The following PARP12 variants were observed in gnomAD, a reference collection of about 807,000 sequenced individuals.
PARP12 encodes the protein protein mono-ADP-ribosyltransferase PARP12.
PARP12 carries 59 observed loss-of-function variants against 72.4 expected under a neutral mutation model. The ratio of observed to expected loss-of-function variants is 0.81; its 90% CI spans 0.66 to 1.01. The LOEUF (loss-of-function observed/expected upper bound fraction) is 1.01, where lower values mean the gene tolerates loss of function less well. Among genes scored for constraint, PARP12 ranks in the 50% least tolerant of loss-of-function variants. PARP12 has a pLI of 0.00. For synonymous variants in PARP12, 403 were observed against 371.4 expected (o/e 1.09, Z -0.98); for missense variants, 851 against 914.0 (o/e 0.93, Z 0.89).
At chr7:140,033,970 C>A (rs1816043024) in intron 8 of PARP12, 8 of 1,071,536 alleles carry the variant, frequency 7.5e-6, no homozygotes, top group Non-Finnish European at 9.1e-6. Context: ...CAAGTCTAGA[C>A]TCGCCTTCAG....
In PARP12 at chr7:140,052,250, C is replaced by T. The variant is rs552742932; in HGVS notation, c.862+2412G>A. Among the ~76,000 whole-genome samples, 21 of 152,294 alleles carry T rather than the reference C, an allele frequency of 1.4e-4. 1 individual carries two copies. The highest frequency in any genetic ancestry group is 4.3e-4 in the African/African-American group (18 of 41,556). On this transcript the variant is annotated intron_variant, in intron 4 of 11. Coordinates refer to ENST00000263549, the MANE Select transcript of PARP12 (RefSeq NM_022750.4). ...CAAATTTAATTTTTAATTTTTCTGG[C>T]AGACTGTATAAACTGAACTAATCAA... is the stretch of plus-strand genomic sequence containing the variant.
chr7:140,034,178 G>A (rs1319820418), intron 8 of PARP12, 57 bp downstream of exon 8: 17 of 1,582,276 alleles, frequency 1.1e-5, no homozygotes, highest in South Asian at 9.1e-5. Flanking sequence ...TGTCACCACT[G>A]CAGAGCACAC....
chr7:140,033,053 GGT>G (rs1405086346), intron 8 of PARP12: 1 of 379,550 alleles, frequency 2.6e-6, no homozygotes, highest in East Asian at 1.6e-4. Flanking sequence ...CCTGGGCTCA[GGT>G]GTCTCTCCCA....
At chr7:140,035,971 C>CGAGGAGGAGGAGGAGGAG (rs1164850035) in intron 7 of PARP12, among the ~76,000 whole-genome samples, 6 of 20,226 alleles carry the variant, frequency 3.0e-4, no homozygotes, top group African/African-American at 4.2e-4. Flanking sequence ...AGGAGGAGGA[C>CGAGGAGGAGGAGGAGGAG]GAGGAGGAGG....
chr7:140,043,051 G>A (rs1352621771), intron 5 of PARP12, among the ~76,000 whole-genome samples: 4 of 151,988 alleles, frequency 2.6e-5, no homozygotes, highest in East Asian at 1.9e-4. Context: ...AAAACTAGCC[G>A]GGAGTGGTGG....
chr7:140,033,643 A>C, intron 8 of PARP12: 1 of 985,432 alleles, frequency 1.0e-6, no homozygotes, highest in Non-Finnish European at 1.2e-6. Context: ...GGGTCTGATC[A>C]GTACAAAGCA....
chr7:140,045,499 A>G (rs1294365582), intron 5 of PARP12, among the ~76,000 whole-genome samples: 2 of 152,248 alleles, frequency 1.3e-5, no homozygotes, highest in South Asian at 2.1e-4. Flanking sequence ...TAATTAGTAA[A>G]TAAGTTTGAA....
chr7:140,040,530 T>G (rs904170760), intron 6 of PARP12, among the ~76,000 whole-genome samples: 1 of 152,206 alleles, frequency 6.6e-6, no homozygotes, highest in Admixed American at 6.5e-5. Flanking sequence ...CAATGTCTAT[T>G]TCCTGAGGAC....
At position 140,047,018 on chromosome 7, in the gene PARP12, A is replaced by C; in HGVS notation, c.863-11T>G. The C allele has an allele frequency of 1.2e-6, 2 of 1,608,164 alleles. No homozygotes were observed. The highest frequency in any genetic ancestry group is 1.7e-6 in the Non-Finnish European group (2 of 1,177,096). ...CTCTATGGCACTTATCTGAAATAAA[A>C]ACATAAAGGAGTAAGATAGCTGGGC... On this transcript the variant is annotated splice_polypyrimidine_tract_variant and intron_variant, in intron 4 of 11. Coordinates refer to ENST00000263549, the MANE Select transcript of PARP12 (RefSeq NM_022750.4).
Position 140,024,432 on chromosome 7 carries a change from A to G in PARP12, c.*128T>C, listed in dbSNP as rs765973437. The G allele has an allele frequency of 1.9e-6, 2 of 1,045,424 alleles. No individual in the cohort carries two copies. The highest frequency in any genetic ancestry group is 2.0e-4 in the Middle Eastern group (1 of 5,044). The allele number at this position is 1,045,424 out of a possible 1,614,324, so 64.8% of individuals were successfully genotyped here. ...TCATTATTAGCAAGAGATTAAGAAC[A>G]TAACTTCATTGAGAGGTCAATGTTA... On this transcript the variant is annotated 3_prime_UTR_variant, in exon 12 of 12. Coordinates refer to ENST00000263549, the MANE Select transcript of PARP12 (RefSeq NM_022750.4).
intron 4 of PARP12, among the ~76,000 whole-genome samples, chr7:140,052,877 C>T: frequency 6.6e-6 from 1 of 152,158 alleles, no homozygotes; most frequent in African/African-American, 2.4e-5. Flanking sequence ...CATTAATCAT[C>T]AGGGAAATGC....
intron 10 of PARP12, 51 bp downstream of exon 10, chr7:140,027,225 T>C (rs772299343): frequency 2.5e-6 from 4 of 1,589,796 alleles, no homozygotes; most frequent in Non-Finnish European, 3.4e-6. Flanking sequence ...AACCAGCCAG[T>C]GGTGTGAAGG....
At chr7:140,031,218 A>G (rs1331651814) in intron 8 of PARP12, among the ~76,000 whole-genome samples, 2 of 151,876 alleles carry the variant, frequency 1.3e-5, no homozygotes, top group Non-Finnish European at 2.9e-5. Context: ...ACAACAAATA[A>G]AAAAATTAGC....
At chr7:140,037,586 G>A in intron 7 of PARP12, 129 bp downstream of exon 7, 1 of 1,311,780 alleles carries the variant, frequency 7.6e-7, no homozygotes, top group Non-Finnish European at 1.1e-6. Context: ...CCTTGGACCT[G>A]GTACCTTGCT....
At chr7:140,045,665 T>C (rs1260717798) in intron 5 of PARP12, among the ~76,000 whole-genome samples, 2 of 151,804 alleles carry the variant, frequency 1.3e-5, no homozygotes, top group Non-Finnish European at 2.9e-5. Context: ...ATTCAGTATA[T>C]AACGTCCAAA....
At chr7:140,062,450 C>T (rs1292669666) in intron 1 of PARP12, 72 bp downstream of exon 1, 2 of 1,418,708 alleles carry the variant, frequency 1.4e-6, no homozygotes, top group African/African-American at 1.5e-5. Flanking sequence ...AAGTAGGACC[C>T]CCAAGCGGGC....
At chr7:140,034,051 T>C (rs1007393275) in intron 8 of PARP12, 184 bp downstream of exon 8, 1 of 1,271,474 alleles carries the variant, frequency 7.9e-7, no homozygotes, top group African/African-American at 1.5e-5. Flanking sequence ...ACGAAGCTTC[T>C]ACCCACAGGG....
chr7:140,037,995 G>C, intron 6 of PARP12, 139 bp from the exon 7 acceptor site: 2 of 1,447,692 alleles, frequency 1.4e-6, no homozygotes, highest in Admixed American at 5.1e-5. Context: ...AGGGAGCATG[G>C]TATGGCAGGA....
intron 3 of PARP12, 42 bp downstream of exon 3, chr7:140,056,814 C>T (rs1817197788): frequency 6.5e-7 from 1 of 1,532,246 alleles, no homozygotes; most frequent in Admixed American, 2.0e-5. Context: ...CCCAGGACCT[C>T]CCGTGCTCCC....
Sources: allele counts gnomAD v4.1 joint callset (sites outside exome capture counted in the v4.1 genomes callset), GRCh38; gene constraint gnomAD v4.1.1; transcripts MANE v1.5; gene names NCBI Gene and HGNC (gene_info 2026-07-23, HGNC 2026-07-21).